The following RBMS1 variants were observed in gnomAD, a reference collection of about 807,000 sequenced individuals.
RBMS1 encodes RNA binding motif single stranded interacting protein 1.
Under a neutral mutation model 62.3 loss-of-function variants are expected in RBMS1, and 17 were observed. That is an observed-to-expected ratio of 0.27 (90% confidence interval 0.19 to 0.41). RBMS1 has a LOEUF of 0.41. Ranked by LOEUF, RBMS1 falls within the 10% of genes least tolerant of loss-of-function variation. The pLI is 1.00. For missense variants in RBMS1, 334 were observed against 504.5 expected (o/e 0.66, Z 3.24); for synonymous variants, 172 against 170.0 (o/e 1.01, Z -0.09).
chr2:160,381,292 A>G (rs1011870798), intron 1 of RBMS1, among the ~76,000 whole-genome samples: 1 of 152,168 alleles, frequency 6.6e-6, no homozygotes, highest in East Asian at 1.9e-4. Context: ...ATGGGTAAAA[A>G]TGGATCTATA....
intron 3 of RBMS1, among the ~76,000 whole-genome samples, chr2:160,316,492 A>C (rs1376654097): frequency 2.6e-5 from 4 of 151,990 alleles, no homozygotes; most frequent in Non-Finnish European, 5.9e-5. Flanking sequence ...TCTACTATGG[A>C]CCCTTACCAA....
At chr2:160,333,372 CTT>C (rs1432165936) in intron 2 of RBMS1, among the ~76,000 whole-genome samples, 1 of 152,188 alleles carries the variant, frequency 6.6e-6, no homozygotes, top group Admixed American at 6.5e-5. Context: ...TTTCCCACTA[CTT>C]AACTGCTCAG....
At chr2:160,386,420 C>T (rs888615148) in intron 1 of RBMS1, among the ~76,000 whole-genome samples, 2 of 152,066 alleles carry the variant, frequency 1.3e-5, no homozygotes, top group Admixed American at 6.5e-5. Context: ...CCTGTAATCC[C>T]AGCTATTCAG....
chr2:160,488,330 C>T (rs769174756), intron 1 of RBMS1, among the ~76,000 whole-genome samples: 3 of 152,168 alleles, frequency 2.0e-5, no homozygotes, highest in Non-Finnish European at 4.4e-5. Flanking sequence ...AATCCCAGCA[C>T]TTTGAAAGGA....
At chr2:160,395,136 C>T (rs1695068248) in intron 1 of RBMS1, among the ~76,000 whole-genome samples, 1 of 152,174 alleles carries the variant, frequency 6.6e-6, no homozygotes. Flanking sequence ...TGTAGGACTT[C>T]TTGAAGACTT....
chr2:160,344,896 G>C (rs2105998623), intron 2 of RBMS1, among the ~76,000 whole-genome samples: 1 of 152,176 alleles, frequency 6.6e-6, no homozygotes, highest in Middle Eastern at 3.4e-3. Context: ...GACTAAAAAA[G>C]TGACGTATCA....
At chr2:160,457,004 G>A (rs1385696131) in intron 1 of RBMS1, among the ~76,000 whole-genome samples, 2 of 152,162 alleles carry the variant, frequency 1.3e-5, no homozygotes, top group Non-Finnish European at 2.9e-5. Flanking sequence ...AGCCAGATAT[G>A]AGGGACTTTG....
At chr2:160,486,628 T>C (rs948114376) in intron 1 of RBMS1, among the ~76,000 whole-genome samples, 11 of 152,190 alleles carry the variant, frequency 7.2e-5, no homozygotes, top group Admixed American at 6.5e-4. Context: ...ACAGGACTCC[T>C]GAAGCACTTG....
At chr2:160,457,097 A>G (rs1684268575) in intron 1 of RBMS1, among the ~76,000 whole-genome samples, 1 of 151,142 alleles carries the variant, frequency 6.6e-6, no homozygotes, top group South Asian at 2.1e-4. Flanking sequence ...ATTATTTATT[A>G]TGTTTATTTT....
At chr2:160,327,407 C>G (rs1691000490) in intron 2 of RBMS1, among the ~76,000 whole-genome samples, 2 of 152,130 alleles carry the variant, frequency 1.3e-5, no homozygotes, top group Non-Finnish European at 1.5e-5. Flanking sequence ...CTAAAACTAT[C>G]TCATTAAAAA....
intron 1 of RBMS1, among the ~76,000 whole-genome samples, chr2:160,446,631 A>G (rs1362515882): frequency 6.6e-6 from 1 of 152,200 alleles, no homozygotes; most frequent in African/African-American, 2.4e-5. Context: ...CGTGTATGTG[A>G]GAGAACCCAG....
At chr2:160,419,903 G>C (rs1696355322) in intron 1 of RBMS1, among the ~76,000 whole-genome samples, 1 of 152,220 alleles carries the variant, frequency 6.6e-6, no homozygotes, top group Non-Finnish European at 1.5e-5. Flanking sequence ...CTGCAAATCT[G>C]AGTGATGAAA....
chr2:160,393,837 C>T (rs1050044869), intron 1 of RBMS1, among the ~76,000 whole-genome samples: 2 of 150,766 alleles, frequency 1.3e-5, no homozygotes, highest in African/African-American at 4.8e-5. Context: ...CCAAGCTTCA[C>T]TGGCAGTCAG....
At chr2:160,352,896 A>G (rs1010931414) in intron 2 of RBMS1, among the ~76,000 whole-genome samples, 13 of 152,156 alleles carry the variant, frequency 8.5e-5, no homozygotes, top group Non-Finnish European at 1.9e-4. Context: ...TTTTATATCT[A>G]TTATGAGGCA....
chr2:160,333,228 A>G lies in RBMS1; in HGVS notation c.252-15001T>C, dbSNP rs565815811. Among the ~76,000 whole-genome samples the G allele has an allele frequency of 7.2e-5, 11 of 152,276 alleles. No individual in the cohort carries two copies. In the South Asian group the frequency reaches 2.3e-3, roughly 32 times the overall value. On this transcript the variant is annotated intron_variant, in intron 2 of 13. Coordinates refer to ENST00000348849, the MANE Select transcript of RBMS1 (RefSeq NM_016836.4). ...ATGATTATCTCTCCTGTGTTATTTG[A>G]GAAATATGTATTATAAATCATCTAT...
At chr2:160,340,553 G>A (rs1456866093) in intron 2 of RBMS1, among the ~76,000 whole-genome samples, 1 of 151,966 alleles carries the variant, frequency 6.6e-6, no homozygotes, top group East Asian at 1.9e-4. Context: ...TGGAGTGTGA[G>A]GAACCAACAA....
chr2:160,471,560 C>T (rs1186876060), intron 1 of RBMS1, among the ~76,000 whole-genome samples: 1 of 150,642 alleles, frequency 6.6e-6, no homozygotes, highest in African/African-American at 2.4e-5. Context: ...GTGTGAATCA[C>T]AATGCTGGGT....
At chr2:160,436,135 T>A (rs1683100703) in intron 1 of RBMS1, among the ~76,000 whole-genome samples, 1 of 152,234 alleles carries the variant, frequency 6.6e-6, no homozygotes, top group Non-Finnish European at 1.5e-5. Flanking sequence ...GTCAACTCCT[T>A]CCTTTCTGGT....
chr2:160,385,166 C>A (rs1694501199), intron 1 of RBMS1, among the ~76,000 whole-genome samples: 1 of 152,136 alleles, frequency 6.6e-6, no homozygotes, highest in Admixed American at 6.5e-5. Flanking sequence ...ACTACCCAGC[C>A]TTGGATATTT....
Sources: allele counts gnomAD v4.1 joint callset (sites outside exome capture counted in the v4.1 genomes callset), GRCh38; gene constraint gnomAD v4.1.1; transcripts MANE v1.5; gene names NCBI Gene and HGNC (gene_info 2026-07-23, HGNC 2026-07-21).